The following ERAP1 variants were observed in gnomAD, a reference collection of about 807,000 sequenced individuals.
ERAP1 encodes endoplasmic reticulum aminopeptidase 1.
In ERAP1, 86 loss-of-function variants were observed where a neutral mutation model predicts 103.7. The ratio of observed to expected loss-of-function variants is 0.83; its 90% CI spans 0.70 to 0.99. ERAP1 has a LOEUF of 0.99. ERAP1 is among the 50% of genes least tolerant of loss of function. ERAP1 has a pLI of 0.00. For missense variants in ERAP1, 1,009 were observed against 1,128.4 expected (o/e 0.89, Z 1.52); for synonymous variants, 398 against 402.4 (o/e 0.99, Z 0.13).
chr5:96,823,791 CTTA>C, the ERAP1 span, among the ~76,000 whole-genome samples: 2 of 152,106 alleles, frequency 1.3e-5, no homozygotes, highest in Admixed American at 6.5e-5. Context: ...TTTTTCCCTC[CTTA>C]TTAAGTCAAG....
At chr5:96,895,456 ATGT>A in the ERAP1 span, 1 of 886,732 alleles carries the variant, frequency 1.1e-6, no homozygotes, top group African/African-American at 1.7e-5. Context: ...AAACTACATA[ATGT>A]TGTGGTTTTT....
chr5:96,826,397 T>G, the ERAP1 span, among the ~76,000 whole-genome samples: 1 of 152,332 alleles, frequency 6.6e-6, no homozygotes, highest in East Asian at 1.9e-4. Context: ...AATAGATAAT[T>G]ACACTTGTCT....
chr5:96,932,883 T>C, the ERAP1 span, among the ~76,000 whole-genome samples: 3 of 152,220 alleles, frequency 2.0e-5, no homozygotes, highest in African/African-American at 7.2e-5. Context: ...AGAGCAATGA[T>C]TCCGAAGACA....
the ERAP1 span, among the ~76,000 whole-genome samples, chr5:96,913,798 T>C: frequency 6.6e-6 from 1 of 152,208 alleles, no homozygotes; most frequent in Non-Finnish European, 1.5e-5. Flanking sequence ...ATGCCTTGTA[T>C]AGTGCATCAC....
chr5:96,800,075 C>T (rs375342843), intron 3 of ERAP1, among the ~76,000 whole-genome samples: 39 of 152,348 alleles, frequency 2.6e-4, no homozygotes, highest in African/African-American at 8.9e-4. Flanking sequence ...AAAGCCTATT[C>T]TACTCTGACT....
At chr5:96,840,809 G>T in the ERAP1 span, among the ~76,000 whole-genome samples, 1,199 of 151,798 alleles carry the variant, frequency 7.9e-3, 19 homozygotes, top group African/African-American at 0.027. Flanking sequence ...GGGTTCAAGC[G>T]ATTCTCCTGC....
the ERAP1 span, among the ~76,000 whole-genome samples, chr5:96,891,255 A>G: frequency 6.6e-6 from 1 of 151,930 alleles, no homozygotes; most frequent in African/African-American, 2.4e-5. Flanking sequence ...GCAGAACTCA[A>G]AGACTAAATA....
the ERAP1 span, among the ~76,000 whole-genome samples, chr5:96,928,537 T>G: frequency 1.3e-5 from 2 of 152,182 alleles, no homozygotes; most frequent in Non-Finnish European, 2.9e-5. Flanking sequence ...ACCTAGGAGA[T>G]AGGCCTAGAA....
chr5:96,893,619 C>T, the ERAP1 span, among the ~76,000 whole-genome samples: 8 of 152,154 alleles, frequency 5.3e-5, no homozygotes, highest in Admixed American at 2.6e-4. Flanking sequence ...CTCCATGCTC[C>T]CTCTGGCCCT....
At chr5:96,781,950 T>C (rs1775243636) in intron 15 of ERAP1, 96 bp from the exon 16 acceptor site, 1 of 1,177,560 alleles carries the variant, frequency 8.5e-7, no homozygotes, top group Admixed American at 1.8e-5. Flanking sequence ...ACTTTCCCCA[T>C]GATCAGAGAA....
At chr5:96,900,201 G>C in the ERAP1 span, 1 of 1,613,348 alleles carries the variant, frequency 6.2e-7, no homozygotes, top group African/African-American at 1.3e-5. Context: ...TAAGGATAAA[G>C]AGAGTCACAG....
chr5:96,827,573 G>A, the ERAP1 span, among the ~76,000 whole-genome samples: 1 of 152,160 alleles, frequency 6.6e-6, no homozygotes, highest in African/African-American at 2.4e-5. Context: ...GCTGAAGCAG[G>A]AGAACTGCTT....
At chr5:96,840,927 A>G in the ERAP1 span, among the ~76,000 whole-genome samples, 2 of 151,904 alleles carry the variant, frequency 1.3e-5, no homozygotes, top group African/African-American at 4.8e-5. Flanking sequence ...GATGGTCTCG[A>G]TCTCCTGACC....
intron 11 of ERAP1, among the ~76,000 whole-genome samples, chr5:96,788,024 A>T (rs1776293868): frequency 6.6e-6 from 1 of 152,122 alleles, no homozygotes; most frequent in African/African-American, 2.4e-5. Context: ...AGATAAAAGA[A>T]TTTTTTAACG....
the ERAP1 span, chr5:96,876,463 TAGAAC>T: frequency 3.9e-5 from 6 of 152,476 alleles, no homozygotes; most frequent in African/African-American, 1.4e-4. Context: ...TTCTGAATCT[TAGAAC>T]AGAAAGTGAA....
chr5:96,857,126 T>C, the ERAP1 span, among the ~76,000 whole-genome samples: 1 of 152,200 alleles, frequency 6.6e-6, no homozygotes. Context: ...TTCTCTTTGC[T>C]TAGGATGTGA....
At chr5:96,777,176 T>A (rs975932560) in intron 18 of ERAP1, among the ~76,000 whole-genome samples, 2 of 152,244 alleles carry the variant, frequency 1.3e-5, no homozygotes, top group African/African-American at 4.8e-5. Context: ...AAAAATATGT[T>A]TGTTCTTGTT....
the ERAP1 span, among the ~76,000 whole-genome samples, chr5:96,836,804 T>C: frequency 4.6e-5 from 7 of 152,212 alleles, no homozygotes; most frequent in African/African-American, 1.4e-4. Flanking sequence ...CTCATTCTTC[T>C]CCTTAAAAGA....
At chr5:96,867,402 G>T in the ERAP1 span, among the ~76,000 whole-genome samples, 1 of 152,150 alleles carries the variant, frequency 6.6e-6, no homozygotes, top group Non-Finnish European at 1.5e-5. Flanking sequence ...TTTACTATTT[G>T]TCACAGTTTT....
Sources: allele counts gnomAD v4.1 joint callset (sites outside exome capture counted in the v4.1 genomes callset), GRCh38; gene constraint gnomAD v4.1.1; transcripts MANE v1.5; gene names NCBI Gene and HGNC (gene_info 2026-07-23, HGNC 2026-07-21).